IGF2BP2: variants seen among roughly 807,000 people sequenced by gnomAD.
IGF2BP2 encodes the protein insulin-like growth factor 2 mRNA-binding protein 2.
In IGF2BP2, 17 loss-of-function variants were observed where a neutral mutation model predicts 75.8. The ratio of observed to expected loss-of-function variants is 0.22; its 90% CI spans 0.15 to 0.34. The LOEUF is 0.34. IGF2BP2 is among the 10% of genes least tolerant of loss of function. The pLI is 1.00. For synonymous variants in IGF2BP2, 288 were observed against 295.6 expected (o/e 0.97, Z 0.26); for missense variants, 516 against 772.4 (o/e 0.67, Z 3.93).
At chr3:185,775,719 T>C (rs577865823) in intron 2 of IGF2BP2, among the ~76,000 whole-genome samples, 294 of 152,286 alleles carry the variant, frequency 1.9e-3, no homozygotes, top group South Asian at 6.4e-3. Flanking sequence ...TGGAGATCAC[T>C]GACTGTAGGA....
chr3:185,735,654 A>G (rs1728763422), intron 2 of IGF2BP2, among the ~76,000 whole-genome samples: 1 of 152,218 alleles, frequency 6.6e-6, no homozygotes, highest in African/African-American at 2.4e-5. Flanking sequence ...AGCTTTACAC[A>G]GCAGAGGGGA....
At chr3:185,763,353 T>C (rs1307444402) in intron 2 of IGF2BP2, among the ~76,000 whole-genome samples, 1 of 152,228 alleles carries the variant, frequency 6.6e-6, no homozygotes, top group East Asian at 1.9e-4. Context: ...AGTAGGTCCC[T>C]GGTCATGTAA....
intron 10 of IGF2BP2, among the ~76,000 whole-genome samples, chr3:185,662,563 T>A (rs1256781865): frequency 2.9e-5 from 4 of 138,794 alleles, no homozygotes; most frequent in Admixed American, 1.5e-4. Flanking sequence ...TTTTTTTTTT[T>A]AAGATGGACT....
intron 2 of IGF2BP2, among the ~76,000 whole-genome samples, chr3:185,782,980 G>A (rs916851635): frequency 4.6e-5 from 7 of 152,300 alleles, no homozygotes; most frequent in Middle Eastern, 3.4e-3. Context: ...TGTCAGCTGT[G>A]GGCCTTGTGT....
intron 2 of IGF2BP2, among the ~76,000 whole-genome samples, chr3:185,753,900 C>A (rs1421860185): frequency 6.6e-6 from 1 of 152,028 alleles, no homozygotes; most frequent in East Asian, 1.9e-4. Flanking sequence ...CATGCAAGAT[C>A]TGGTTGTTTA....
chr3:185,813,099 T>G (rs1350678049), intron 2 of IGF2BP2, among the ~76,000 whole-genome samples: 1 of 152,252 alleles, frequency 6.6e-6, no homozygotes, highest in African/African-American at 2.4e-5. Flanking sequence ...CAATCACCTG[T>G]TCCTGGGCCC....
chr3:185,674,576 T>C (rs1476103216), intron 9 of IGF2BP2, among the ~76,000 whole-genome samples: 6 of 152,184 alleles, frequency 3.9e-5, no homozygotes, highest in African/African-American at 1.4e-4. Flanking sequence ...GCTCAACTGG[T>C]TGACAACATT....
At chr3:185,799,791 A>C (rs1737957433) in intron 2 of IGF2BP2, among the ~76,000 whole-genome samples, 1 of 151,746 alleles carries the variant, frequency 6.6e-6, no homozygotes, top group African/African-American at 2.4e-5. Context: ...GATGCTGGAG[A>C]GGATGTGGAG....
At chr3:185,677,044 G>GAGAGAT (rs1553855688) in intron 7 of IGF2BP2, among the ~76,000 whole-genome samples, 1 of 23,860 alleles carries the variant, frequency 4.2e-5, no homozygotes, top group Non-Finnish European at 6.5e-5. Flanking sequence ...TATATATGGA[G>GAGAGAT]ATATATATAT....
At chr3:185,689,934 C>T (rs1437015676) in intron 5 of IGF2BP2, among the ~76,000 whole-genome samples, 1 of 144,328 alleles carries the variant, frequency 6.9e-6, no homozygotes, top group Non-Finnish European at 1.5e-5. Flanking sequence ...TGCCACTGCA[C>T]TCCAGCCTGG....
chr3:185,755,004 AG>A (rs2149659455), intron 2 of IGF2BP2, among the ~76,000 whole-genome samples: 1 of 152,358 alleles, frequency 6.6e-6, no homozygotes, highest in South Asian at 2.1e-4. Flanking sequence ...GAATCCAAGT[AG>A]GTTGTGGAGC....
At chr3:185,816,225 T>C (rs930166661) in intron 2 of IGF2BP2, among the ~76,000 whole-genome samples, 2 of 152,156 alleles carry the variant, frequency 1.3e-5, no homozygotes, top group African/African-American at 4.8e-5. Context: ...GAAAGAAATG[T>C]TTGTCTTGTT....
intron 7 of IGF2BP2, among the ~76,000 whole-genome samples, chr3:185,680,832 AG>A (rs59832641): frequency 0.98 from 148,798 of 152,160 alleles, 72,766 homozygotes; most frequent in East Asian, 1. Flanking sequence ...AACAGAAAGA[AG>A]GGGGGGGAAC....
intron 6 of IGF2BP2, among the ~76,000 whole-genome samples, chr3:185,688,064 AT>A (rs905012888): frequency 6.6e-6 from 1 of 152,056 alleles, no homozygotes; most frequent in Admixed American, 6.6e-5. Flanking sequence ...TTCCCTCTCT[AT>A]TTCCTCACTT....
intron 2 of IGF2BP2, among the ~76,000 whole-genome samples, chr3:185,799,247 A>G (rs940925821): frequency 2.6e-5 from 4 of 152,110 alleles, no homozygotes; most frequent in Non-Finnish European, 5.9e-5. Context: ...AAAAACAAAA[A>G]TAAGCCAAGG....
chr3:185,818,676 T>A (rs908446349), intron 2 of IGF2BP2, among the ~76,000 whole-genome samples: 2 of 152,206 alleles, frequency 1.3e-5, no homozygotes, highest in African/African-American at 4.8e-5. Flanking sequence ...TCATCTACTT[T>A]TGAGGGTTTC....
chr3:185,786,540 C>T (rs886967762), intron 2 of IGF2BP2, among the ~76,000 whole-genome samples: 5 of 152,036 alleles, frequency 3.3e-5, no homozygotes, highest in South Asian at 4.1e-4. Flanking sequence ...CCTTGTGACC[C>T]GCCCCTGCCC....
chr3:185,767,573 G>GT (rs1180472736), intron 2 of IGF2BP2, among the ~76,000 whole-genome samples: 2 of 152,110 alleles, frequency 1.3e-5, no homozygotes, highest in African/African-American at 4.8e-5. Context: ...TTTGAAAAAT[G>GT]TATTTGACCA....
chr3:185,704,452 A>G (rs1286582330), intron 2 of IGF2BP2, among the ~76,000 whole-genome samples: 1 of 151,764 alleles, frequency 6.6e-6, no homozygotes, highest in Admixed American at 6.6e-5. Flanking sequence ...CCTCTACCCA[A>G]CTGTCTCTTT....
Sources: gnomAD v4.1 joint callset for allele counts (sites outside exome capture counted in the v4.1 genomes callset) on GRCh38, gnomAD v4.1.1 for gene constraint, MANE v1.5 for transcripts, NCBI Gene and HGNC (gene_info 2026-07-23, HGNC 2026-07-21) for gene names.